Variants in LIMS2 observed in about 807,000 individuals in gnomAD.
The protein encoded by LIMS2 is LIM zinc finger domain containing 2.
In LIMS2, 30 loss-of-function variants were observed where a neutral mutation model predicts 45.3. That is an observed-to-expected ratio of 0.66 (90% CI 0.50 to 0.90). LIMS2 has a LOEUF of 0.90. LIMS2 is among the 40% of genes least tolerant of loss of function. The probability of loss-of-function intolerance (pLI) is 0.00; values close to 1 mark genes in which losing one functional copy is unlikely to be tolerated. For synonymous variants in LIMS2, 173 were observed against 188.0 expected (o/e 0.92, Z 0.65); for missense variants, 485 against 468.7 (o/e 1.03, Z -0.32).
intron 1 of LIMS2, among the ~76,000 whole-genome samples, chr2:127,659,994 C>T (rs181190781): frequency 4.1e-4 from 62 of 152,334 alleles, no homozygotes; most frequent in Non-Finnish European, 7.8e-4. Context: ...CTTCCTCCCT[C>T]GCCGTTTCAT....
upstream of LIMS2, among the ~76,000 whole-genome samples, chr2:127,680,385 C>T (rs567030783): frequency 4.6e-5 from 7 of 152,320 alleles, no homozygotes; most frequent in South Asian, 2.1e-4. Flanking sequence ...CCCAGGATTT[C>T]GAGGTTACAG....
chr2:127,650,249 G>A (rs976915053), intron 4 of LIMS2, among the ~76,000 whole-genome samples: 2 of 152,150 alleles, frequency 1.3e-5, no homozygotes, highest in African/African-American at 4.8e-5. Flanking sequence ...CACTCAGGAT[G>A]AACAGAACTC....
Position 127,674,688 on chromosome 2 carries a change from G to A in LIMS2, c.11+326C>T, listed in dbSNP as rs571568582. On this transcript the variant is annotated intron_variant, in intron 1 of 9. Transcript: ENST00000355119. ...GAGGCACGCAACCTTTGAACCTTTT[G>A]CCCGTGGTTGGTGTCTGACCTTGGA... 2.7e-4 allele frequency: 264 copies of A among 985,456 alleles called. No homozygotes were observed. In the African/African-American group the frequency reaches 4.4e-3, roughly 16 times the overall value. 61.0% of individuals were successfully genotyped at this position (985,456 alleles called of 1,614,324 possible).
rs370250796 is a variant in LIMS2, at chr2:127,640,992, C to G, written c.661-4G>C. On this transcript the variant is annotated splice_polypyrimidine_tract_variant and splice_region_variant and intron_variant, in intron 6 of 9. Transcript: ENST00000355119. Reference sequence around the variant, plus strand: ...CACACTTGGCACAGACAAAGTGCTGCAAGGACAAAGGGCGGGCCGGGTGGC... The same window carrying G: ...CACACTTGGCACAGACAAAGTGCTGGAAGGACAAAGGGCGGGCCGGGTGGC... 53 of 1,613,438 alleles carry G rather than the reference C, an allele frequency of 3.3e-5. No homozygotes were observed. The highest frequency in any genetic ancestry group is 4.3e-5 in the Non-Finnish European group (51 of 1,179,764).
At position 127,647,576 on chromosome 2, in the gene LIMS2, C is replaced by A. The variant is rs1307132427; in HGVS notation, c.360-4504G>T. On this transcript the variant is annotated intron_variant, in intron 4 of 9. Coordinates refer to ENST00000355119, the MANE Select transcript of LIMS2 (RefSeq NM_001161403.3). The surrounding 1 kb of genome is among the most constrained non-coding windows in gnomAD (Gnocchi z 4.3). ...TGGGGCACAGCACAGGCCTGAGGGA[C>A]AGCCTGGGGTGGAGGGCACCCACCT... Among the ~76,000 whole-genome samples the A allele has an allele frequency of 6.6e-6, 1 of 152,138 alleles. No individual in the cohort carries two copies. The highest frequency in any genetic ancestry group is 1.5e-5 in the Non-Finnish European group (1 of 67,998).
intron 4 of LIMS2, chr2:127,650,413 T>A (rs1470008565): frequency 1.7e-5 from 9 of 535,258 alleles, no homozygotes; most frequent in Non-Finnish European, 1.7e-5. Flanking sequence ...TTCCCCGCCA[T>A]GGCACTGACC....
chr2:127,656,725 T>G (rs1684281627), intron 2 of LIMS2, among the ~76,000 whole-genome samples: 1 of 152,156 alleles, frequency 6.6e-6, no homozygotes, highest in African/African-American at 2.4e-5. Context: ...AGGTCACCTT[T>G]TCAAATGTCA....
rs1684109548 is a variant in LIMS2 at position 127,654,501 on chromosome 2, G to A, written c.282C>T (p.Asn94=). The A allele has an allele frequency of 1.2e-6, 2 of 1,614,168 alleles. No individual in the cohort carries two copies. Among genetic ancestry groups the A allele is most frequent in the Non-Finnish European group, 1.7e-6 (2 of 1,180,004 alleles). ...CGCAGCGGAAGCAGCCCGGGTGCCA[G>A]TTGTTGTTCATGGCCTTGATGACGC... ...IGRVIKAMNN[N]WHPGCFRCEL... The change falls in exon 4 of 10, where the codon AAC becomes AAT. Residue 94 remains asparagine, a synonymous_variant. Coordinates refer to ENST00000355119, the MANE Select transcript of LIMS2 (RefSeq NM_001161403.3).
chr2:127,640,732 C>T, intron 7 of LIMS2, 164 bp downstream of exon 7: 1 of 645,596 alleles, frequency 1.5e-6, no homozygotes, highest in Non-Finnish European at 2.8e-6. Flanking sequence ...AGAGAGCTGC[C>T]CAGGTCTCGA....
Position 127,675,331 on chromosome 2 carries a change from G to C in LIMS2, c.-307C>G. The C allele has an allele frequency of 7.4e-6, 1 of 135,128 alleles. No individual in the cohort carries two copies. Among genetic ancestry groups the C allele is most frequent in the African/African-American group, 3.0e-5 (1 of 33,154 alleles). The allele number at this position is 135,128 out of a possible 1,614,324, so 8.4% of individuals were successfully genotyped here. A position where few individuals can be genotyped will look rare whatever the true frequency, so the allele number is the denominator to read the frequency against. ...GTGGGGGTGGCGGCGGGTAGGGTTGGAGGGGTGGGGGTTAAAGGTGGGGCT... is the reference window on the plus strand; with the variant it reads ...GTGGGGGTGGCGGCGGGTAGGGTTGCAGGGGTGGGGGTTAAAGGTGGGGCT... On this transcript the variant is annotated 5_prime_UTR_variant, in exon 1 of 10. Transcript: ENST00000355119.
In LIMS2 at chr2:127,664,417, G is replaced by A. The variant is rs1684883144; in HGVS notation, c.12-6855C>T. Reference sequence around the variant, plus strand: ...GCGGGGCAGCCGCCTTGAGGTCGCGGGCGCGGGCCGCCTGGTGCAGGGGCT... The same window carrying A: ...GCGGGGCAGCCGCCTTGAGGTCGCGAGCGCGGGCCGCCTGGTGCAGGGGCT... On this transcript the variant is annotated intron_variant, in intron 1 of 9. Coordinates refer to ENST00000355119, the MANE Select transcript of LIMS2 (RefSeq NM_001161403.3). This position sits in a 1 kb window ranked among gnomAD's most constrained non-coding sequence, Gnocchi z 5.5. 3 of 1,193,962 alleles carry A rather than the reference G, an allele frequency of 2.5e-6. No individual in the cohort carries two copies. Among genetic ancestry groups the A allele is most frequent in the Admixed American group, 4.5e-5 (1 of 22,364 alleles). The allele number at this position is 1,193,962 out of a possible 1,614,324, so 74.0% of individuals were successfully genotyped here.
chr2:127,654,886 C>T lies in LIMS2; in HGVS notation c.182G>A (p.Arg61Gln), dbSNP rs770469332. 13 of 1,613,960 alleles carry T rather than the reference C, an allele frequency of 8.1e-6. No homozygotes were observed. The highest frequency in any genetic ancestry group is 4.0e-5 in the African/African-American group (3 of 74,934). The change falls in exon 3 of 10, where the codon CGG becomes CAG. Residue 61 changes from arginine to glutamine, a missense_variant. By Grantham distance (43) the Arg-to-Gln change is conservative (BLOSUM62 1). Transcript: ENST00000355119. ...PEGLFYEFEG[R>Q]KYCEHDFQML... ...TTGGAAGTCGTGTTCGCAGTACTTC[C>T]GGCCTTCAAACTGCAAAGGGGTCGC...
intron 1 of LIMS2, among the ~76,000 whole-genome samples, chr2:127,659,268 C>G (rs2105309523): frequency 6.6e-6 from 1 of 152,334 alleles, no homozygotes; most frequent in Non-Finnish European, 1.5e-5. Context: ...TTGGCCTGCC[C>G]TCTGGGGTGC....
At position 127,651,410 on chromosome 2, in the gene LIMS2, G is replaced by A. The variant is rs1389946413; in HGVS notation, c.359+3014C>T. On this transcript the variant is annotated intron_variant, in intron 4 of 9. Coordinates refer to ENST00000355119, the MANE Select transcript of LIMS2 (RefSeq NM_001161403.3). The stretch of plus-strand genomic sequence containing the variant: ...GCAGCCTGCGGCAGGGCCTGCGTGT[G>A]GAGAAGCGCCTCAAGACCAAGGCAG... 7 of 1,612,754 alleles carry A rather than the reference G, an allele frequency of 4.3e-6. No homozygotes were observed. The Admixed American group carries it at 1.2e-4, about 27-fold the overall frequency.
At position 127,645,542 on chromosome 2, in the gene LIMS2, G is replaced by A. The variant is rs143827904; in HGVS notation, c.360-2470C>T. Among the ~76,000 whole-genome samples, 31 of 152,316 alleles carry A rather than the reference G, an allele frequency of 2.0e-4. No homozygotes were observed. The East Asian group carries it at 4.6e-3, about 23-fold the overall frequency. On this transcript the variant is annotated intron_variant, in intron 4 of 9. Coordinates refer to ENST00000355119, the MANE Select transcript of LIMS2 (RefSeq NM_001161403.3). ...AGGGGAGCTGCACCGGCGAGCACCC[G>A]GCCTCTGAGCTGAGCCGCATCCTCA... is the stretch of plus-strand genomic sequence containing the variant.
chr2:127,650,651 C>A, intron 4 of LIMS2: 1 of 1,173,190 alleles, frequency 8.5e-7, no homozygotes, highest in Non-Finnish European at 1.2e-6. Context: ...GACTTCTGGA[C>A]TTCAGAGAGC....
intron 6 of LIMS2, chr2:127,641,688 C>T (rs1464235244): frequency 1.5e-5 from 3 of 196,708 alleles, no homozygotes; most frequent in South Asian, 1.4e-4. Flanking sequence ...TCTTCAGCTC[C>T]GTGTCTGCAC....
At chr2:127,673,829 T>G (rs1573853387) in intron 1 of LIMS2, 9 of 1,228,134 alleles carry the variant, frequency 7.3e-6, no homozygotes. Context: ...CCCTAGGGGG[T>G]GACCACAGGC....
intron 4 of LIMS2, among the ~76,000 whole-genome samples, chr2:127,648,976 A>G (rs1405137814): frequency 8.1e-4 from 10 of 12,354 alleles, no homozygotes; most frequent in African/African-American, 1.4e-3. Context: ...GGGGGAGGGG[A>G]GGGAGGGGAG....
Sources: gnomAD v4.1 joint callset for allele counts (sites outside exome capture counted in the v4.1 genomes callset) on GRCh38, gnomAD v4.1.1 for gene constraint, Gnocchi (gnomAD v3.1) non-coding constraint, MANE v1.5 for transcripts, NCBI Gene and HGNC (gene_info 2026-07-23, HGNC 2026-07-21) for gene names.